The following STAG1 variants were observed in gnomAD, a reference collection of about 807,000 sequenced individuals.
STAG1 encodes cohesin subunit SA-1.
Under a neutral mutation model 170.9 loss-of-function variants are expected in STAG1, and 26 were observed. The observed-to-expected ratio is 0.15, with a 90% CI of 0.11 to 0.21. The LOEUF (loss-of-function observed/expected upper bound fraction) is 0.21, where lower values mean the gene tolerates loss of function less well. Ranked by LOEUF, STAG1 falls within the 10% of genes least tolerant of loss-of-function variation. The probability of loss-of-function intolerance (pLI) is 1.00; values close to 1 mark genes in which losing one functional copy is unlikely to be tolerated. For synonymous variants in STAG1, 514 were observed against 497.7 expected (o/e 1.03, Z -0.44); for missense variants, 964 against 1,509.5 (o/e 0.64, Z 5.99).
chr3:136,380,337 G>A (rs950893398), intron 22 of STAG1, among the ~76,000 whole-genome samples: 1 of 152,062 alleles, frequency 6.6e-6, no homozygotes, highest in Non-Finnish European at 1.5e-5. Flanking sequence ...TGTCTCCCGG[G>A]TTCAAGCAAT....
At chr3:136,750,640 C>A (rs1357448474) in intron 1 of STAG1, among the ~76,000 whole-genome samples, 1 of 152,136 alleles carries the variant, frequency 6.6e-6, no homozygotes, top group East Asian at 1.9e-4. Context: ...TGGTAGATCA[C>A]TTGAATTAAT....
At chr3:136,636,001 AC>A (rs1168013465) in intron 1 of STAG1, among the ~76,000 whole-genome samples, 2 of 152,154 alleles carry the variant, frequency 1.3e-5, no homozygotes, top group Non-Finnish European at 2.9e-5. Context: ...TAATCCCAGC[AC>A]TTTGGGAAGC....
chr3:136,635,475 G>T (rs114998443), intron 1 of STAG1, among the ~76,000 whole-genome samples: 1 of 152,112 alleles, frequency 6.6e-6, no homozygotes, highest in African/African-American at 2.4e-5. Flanking sequence ...TTCTCAACTC[G>T]ATAAAGAGTA....
intron 1 of STAG1, among the ~76,000 whole-genome samples, chr3:136,714,566 A>G (rs942121767): frequency 1.3e-5 from 2 of 151,806 alleles, no homozygotes; most frequent in African/African-American, 2.4e-5. Context: ...GTCTCTACTA[A>G]AAATACAAAA....
intron 3 of STAG1, among the ~76,000 whole-genome samples, chr3:136,621,848 G>A (rs919350163): frequency 1.3e-5 from 2 of 151,930 alleles, no homozygotes; most frequent in South Asian, 2.1e-4. Flanking sequence ...GTTGCAGGGG[G>A]TGGATCATTC....
chr3:136,649,004 C>T (rs1160395563), intron 1 of STAG1, among the ~76,000 whole-genome samples: 1 of 152,174 alleles, frequency 6.6e-6, no homozygotes, highest in Admixed American at 6.5e-5. Context: ...ATTTTAAGTT[C>T]TGGGTCCTCC....
At chr3:136,597,014 A>G (rs1938456106) in intron 4 of STAG1, among the ~76,000 whole-genome samples, 2 of 152,212 alleles carry the variant, frequency 1.3e-5, no homozygotes, top group Admixed American at 1.3e-4. Context: ...GGCAGTGGTT[A>G]CAGTGTGCTG....
At chr3:136,368,982 C>G (rs1937188518) in intron 24 of STAG1, 126 bp downstream of exon 24, 1 of 859,410 alleles carries the variant, frequency 1.2e-6, no homozygotes, top group Non-Finnish European at 1.6e-6. Context: ...TCAGCCACTG[C>G]ACCTGGCCAA....
At chr3:136,489,244 C>T (rs539939878) in intron 9 of STAG1, among the ~76,000 whole-genome samples, 94 of 152,290 alleles carry the variant, frequency 6.2e-4, no homozygotes, top group African/African-American at 2.2e-3. Flanking sequence ...CATTACAATG[C>T]ATCCTTTTGG....
chr3:136,444,002 A>T (rs1369497497), intron 14 of STAG1, among the ~76,000 whole-genome samples: 2 of 152,012 alleles, frequency 1.3e-5, no homozygotes, highest in African/African-American at 4.8e-5. Context: ...GTAAACAAAC[A>T]TAGTTAAGGT....
At chr3:136,657,638 A>G (rs965033090) in intron 1 of STAG1, among the ~76,000 whole-genome samples, 1 of 152,196 alleles carries the variant, frequency 6.6e-6, no homozygotes, top group Non-Finnish European at 1.5e-5. Context: ...CCTGGGCAAC[A>G]TGGCAATACC....
At position 136,713,110 on chromosome 3, in the gene STAG1, G is replaced by C. The variant is rs544840837; in HGVS notation, c.-84+39085C>G. ...TCCGTCTCAAAACAAAACCACAAGA[G>C]TGTTCTCAGCAGTAATACTTACAAT... On this transcript the variant is annotated intron_variant, in intron 1 of 33. Coordinates refer to ENST00000383202, the MANE Select transcript of STAG1 (RefSeq NM_005862.3). 2.0e-5 allele frequency among the ~76,000 whole-genome samples: 3 copies of C among 152,150 alleles called. No homozygotes were observed. The South Asian group carries it at 6.2e-4, about 32-fold the overall frequency.
chr3:136,699,561 T>A (rs1942988339), intron 1 of STAG1, among the ~76,000 whole-genome samples: 1 of 152,028 alleles, frequency 6.6e-6, no homozygotes, highest in Admixed American at 6.6e-5. Context: ...ATTTTTTTTT[T>A]TTTTATGGTA....
intron 6 of STAG1, among the ~76,000 whole-genome samples, chr3:136,541,538 T>TCACACACACACACTCACTCACACACACA (rs1935899215): frequency 8.1e-6 from 1 of 123,216 alleles, no homozygotes; most frequent in Non-Finnish European, 1.7e-5. Context: ...AGCTTAACAT[T>TCACACACACACACTCACTCACACACACA]CACACACACA....
chr3:136,497,025 A>G (rs1304027321), intron 9 of STAG1, among the ~76,000 whole-genome samples: 2 of 152,156 alleles, frequency 1.3e-5, no homozygotes, highest in Non-Finnish European at 1.5e-5. Context: ...CCAATTTCTT[A>G]TAAGACATAA....
intron 1 of STAG1, among the ~76,000 whole-genome samples, chr3:136,637,000 C>G (rs560511336): frequency 5.0e-4 from 76 of 152,204 alleles, no homozygotes; most frequent in Non-Finnish European, 3.4e-4. Context: ...GGGAGAAAAC[C>G]AGAGTACCCA....
At chr3:136,550,139 C>T (rs1220527633) in intron 5 of STAG1, among the ~76,000 whole-genome samples, 1 of 151,918 alleles carries the variant, frequency 6.6e-6, no homozygotes, top group African/African-American at 2.4e-5. Context: ...AAGAGTAATG[C>T]TGCCCACATA....
Position 136,387,667 on chromosome 3 carries a change from A to G in STAG1, c.2278-9915T>C, listed in dbSNP as rs1010386160. Among the ~76,000 whole-genome samples, 8 of 152,248 alleles carry G rather than the reference A, an allele frequency of 5.3e-5. No individual in the cohort carries two copies. In the South Asian group the frequency reaches 1.7e-3, roughly 32 times the overall value. On this transcript the variant is annotated intron_variant, in intron 22 of 33. Coordinates refer to ENST00000383202, the MANE Select transcript of STAG1 (RefSeq NM_005862.3). ...TGTGCAACTTTTGTGAATATATAAT[A>G]AAACGACTATTTGATATTTAAACCC...
At chr3:136,628,720 T>G (rs1248032274) in intron 2 of STAG1, among the ~76,000 whole-genome samples, 5 of 152,240 alleles carry the variant, frequency 3.3e-5, no homozygotes, top group Non-Finnish European at 7.3e-5. Context: ...GATTATTTGA[T>G]TTATATCTAA....
Sources: gnomAD v4.1 joint callset for allele counts (sites outside exome capture counted in the v4.1 genomes callset) on GRCh38, gnomAD v4.1.1 for gene constraint, MANE v1.5 for transcripts, NCBI Gene and HGNC (gene_info 2026-07-23, HGNC 2026-07-21) for gene names.